The following TASP1 variants were observed in gnomAD, a reference collection of about 807,000 sequenced individuals.
TASP1 encodes threonine aspartase 1.
A neutral mutation model predicts 56.6 loss-of-function variants in TASP1; 16 were observed. That is an observed-to-expected ratio of 0.28 (90% confidence interval 0.19 to 0.43). The LOEUF (loss-of-function observed/expected upper bound fraction) is 0.43. TASP1 is among the 20% of genes least tolerant of loss of function. TASP1 has a pLI of 1.00. For synonymous variants in TASP1, 179 were observed against 184.2 expected (o/e 0.97, Z 0.23); for missense variants, 393 against 511.6 (o/e 0.77, Z 2.24).
At chr20:13,512,812 C>T (rs1407531688) in intron 10 of TASP1, among the ~76,000 whole-genome samples, 1 of 152,180 alleles carries the variant, frequency 6.6e-6, no homozygotes, top group Non-Finnish European at 1.5e-5. Flanking sequence ...TTTCAGCCTT[C>T]TACATACAGC....
At chr20:13,205,914 C>A in the TASP1 span, among the ~76,000 whole-genome samples, 1 of 152,180 alleles carries the variant, frequency 6.6e-6, no homozygotes, top group Non-Finnish European at 1.5e-5. Flanking sequence ...CCAAGTTACA[C>A]CCACATGGGA....
the TASP1 span, among the ~76,000 whole-genome samples, chr20:13,235,806 G>A: frequency 2.0e-5 from 3 of 152,134 alleles, no homozygotes; most frequent in African/African-American, 4.8e-5. Context: ...ATAAGCCTGC[G>A]ACCACTTTCC....
chr20:13,496,042 A>C (rs1005660586), intron 10 of TASP1, among the ~76,000 whole-genome samples: 7 of 152,060 alleles, frequency 4.6e-5, no homozygotes, highest in Non-Finnish European at 8.8e-5. Context: ...CTAAGGTTTC[A>C]ATTTGATTTT....
chr20:13,279,787 T>C, the TASP1 span: 2 of 1,614,052 alleles, frequency 1.2e-6, no homozygotes, highest in African/African-American at 1.3e-5. Context: ...GGACCAGGAC[T>C]ACAAGTACGA....
chr20:13,290,932 C>T, the TASP1 span, among the ~76,000 whole-genome samples: 4 of 152,308 alleles, frequency 2.6e-5, no homozygotes, highest in Admixed American at 1.3e-4. Context: ...TCCGGACAGT[C>T]TGATTACAGA....
At chr20:13,222,125 G>A in the TASP1 span, among the ~76,000 whole-genome samples, 1 of 152,198 alleles carries the variant, frequency 6.6e-6, no homozygotes, top group South Asian at 2.1e-4. Flanking sequence ...TTCCAGGTCT[G>A]CGGGCTGCGC....
At chr20:13,136,145 C>T in the TASP1 span, among the ~76,000 whole-genome samples, 1 of 151,958 alleles carries the variant, frequency 6.6e-6, no homozygotes, top group Non-Finnish European at 1.5e-5. Flanking sequence ...CACACATGTC[C>T]CTCTCTGCCC....
the TASP1 span, chr20:13,299,073 AT>A: frequency 6.2e-7 from 1 of 1,613,850 alleles, no homozygotes; most frequent in African/African-American, 1.3e-5. The surrounding 1 kb of genome is among the most constrained non-coding windows in gnomAD (Gnocchi z 5.8). Flanking sequence ...CACGGCCGAC[AT>A]CTTCGACCGC....
chr20:13,499,936 C>A (rs1047401133), intron 10 of TASP1, among the ~76,000 whole-genome samples: 3 of 151,876 alleles, frequency 2.0e-5, no homozygotes, highest in Non-Finnish European at 4.4e-5. Flanking sequence ...AATGAGTACA[C>A]ATGAACATAC....
At chr20:13,146,064 G>A in the TASP1 span, among the ~76,000 whole-genome samples, 1 of 152,126 alleles carries the variant, frequency 6.6e-6, no homozygotes, top group Admixed American at 6.6e-5. Flanking sequence ...AGAAAATTTG[G>A]TACATATACA....
the TASP1 span, among the ~76,000 whole-genome samples, chr20:13,162,479 T>A: frequency 6.6e-6 from 1 of 152,146 alleles, no homozygotes; most frequent in Admixed American, 6.5e-5. Flanking sequence ...TTTGAGCAGT[T>A]CCTTAATGTA....
chr20:13,521,262 T>C (rs2044741746), intron 10 of TASP1, among the ~76,000 whole-genome samples: 1 of 152,144 alleles, frequency 6.6e-6, no homozygotes, highest in Non-Finnish European at 1.5e-5. Flanking sequence ...GACCCAGCAA[T>C]CCCATTACTG....
chr20:13,473,669 T>C (rs919616151), intron 11 of TASP1, among the ~76,000 whole-genome samples: 2 of 152,134 alleles, frequency 1.3e-5, no homozygotes, highest in African/African-American at 4.8e-5. Flanking sequence ...CCCCAAGATT[T>C]TCCCTCCTGA....
intron 11 of TASP1, among the ~76,000 whole-genome samples, chr20:13,463,781 A>T (rs2044147038): frequency 6.6e-6 from 1 of 152,142 alleles, no homozygotes; most frequent in Non-Finnish European, 1.5e-5. Flanking sequence ...ACAAAAAGCA[A>T]ACCAAAACCA....
the TASP1 span, among the ~76,000 whole-genome samples, chr20:13,130,003 T>G: frequency 6.6e-6 from 1 of 150,928 alleles, no homozygotes; most frequent in African/African-American, 2.4e-5. Flanking sequence ...AATAGGAGAA[T>G]GAGGGAGAAA....
At chr20:13,197,222 G>GT in the TASP1 span, among the ~76,000 whole-genome samples, 53 of 152,284 alleles carry the variant, frequency 3.5e-4, no homozygotes, top group Non-Finnish European at 6.8e-4. Flanking sequence ...CATCAGAAAG[G>GT]TAAGACTATT....
chr20:13,199,853 C>T, the TASP1 span, among the ~76,000 whole-genome samples: 36 of 152,324 alleles, frequency 2.4e-4, no homozygotes, highest in East Asian at 6.4e-3. Context: ...TCTGTAGAGT[C>T]ACTCCTTCAA....
intron 13 of TASP1, among the ~76,000 whole-genome samples, chr20:13,395,316 T>A (rs953619367): frequency 6.6e-6 from 1 of 152,254 alleles, no homozygotes; most frequent in Admixed American, 6.5e-5. Context: ...AGCAGGACTC[T>A]AGCCTCCTGA....
chr20:13,547,292 T>C (rs1044310465), intron 8 of TASP1, among the ~76,000 whole-genome samples: 3 of 152,158 alleles, frequency 2.0e-5, no homozygotes, highest in Non-Finnish European at 4.4e-5. Context: ...AAGAAAGAAA[T>C]TTGATCTGCA....
Sources: allele counts gnomAD v4.1 joint callset (sites outside exome capture counted in the v4.1 genomes callset), GRCh38; gene constraint gnomAD v4.1.1; non-coding constraint Gnocchi (gnomAD v3.1); transcripts MANE v1.5; gene names NCBI Gene and HGNC (gene_info 2026-07-23, HGNC 2026-07-21).